The following IGF2R variants were observed in gnomAD, a reference collection of about 807,000 sequenced individuals.
IGF2R encodes insulin like growth factor 2 receptor, also known as cation-independent mannose-6-phosphate receptor.
IGF2R carries 91 observed loss-of-function variants against 270.6 expected under a neutral mutation model. The observed-to-expected ratio is 0.34, with a 90% CI of 0.28 to 0.40. The LOEUF is 0.40. Among genes scored for constraint, IGF2R ranks in the 10% least tolerant of loss-of-function variants. The probability of loss-of-function intolerance (pLI) is 1.00; values close to 1 mark genes in which losing one functional copy is unlikely to be tolerated. For synonymous variants in IGF2R, 1,316 were observed against 1,258.9 expected, an observed-to-expected ratio of 1.05 and a Z score of -0.96; for missense variants, 2,805 against 3,188.3, an observed-to-expected ratio of 0.88 and a Z score of 2.90.
intron 21 of IGF2R, among the ~76,000 whole-genome samples, chr6:160,058,330 A>G (rs1024589306): frequency 5.3e-5 from 8 of 152,198 alleles, no homozygotes; most frequent in African/African-American, 1.9e-4. Flanking sequence ...AGACGTGAAG[A>G]CTGTTATTCT....
intron 1 of IGF2R, among the ~76,000 whole-genome samples, chr6:159,976,797 G>T (rs1783701733): frequency 6.6e-6 from 1 of 151,980 alleles, no homozygotes; most frequent in Admixed American, 6.5e-5. Flanking sequence ...TTTTTCCATT[G>T]TGCGGGTAAA....
At position 160,094,103 on chromosome 6, in the gene IGF2R, A is replaced by G. The variant is rs186517737; in HGVS notation, c.6656-2336A>G. On this transcript the variant is annotated intron_variant, in intron 44 of 47. Coordinates refer to ENST00000356956, the MANE Select transcript of IGF2R (RefSeq NM_000876.4). Reference sequence around the variant, plus strand: ...CCACCCCATCATTCCCCTTCTCCCAAAGTACTACTGCTGTTGCATAACAAC... The same window carrying G: ...CCACCCCATCATTCCCCTTCTCCCAGAGTACTACTGCTGTTGCATAACAAC... The G allele has an allele frequency of 1.2e-3, 578 of 485,058 alleles. 12 individuals are homozygous for G. The highest frequency in any genetic ancestry group is 6.8e-3 in the South Asian group (380 of 55,644). 30.0% of individuals were successfully genotyped at this position (485,058 alleles called of 1,614,324 possible). A position where few individuals can be genotyped will look rare whatever the true frequency, so the allele number is the denominator to read the frequency against.
In IGF2R at chr6:160,084,158, C is replaced by G; in HGVS notation, c.6042C>G (p.Ser2014=). 6.2e-7 allele frequency: 1 copy of G among 1,613,488 alleles called. No individual in the cohort carries two copies. The highest frequency in any genetic ancestry group is 1.1e-5 in the South Asian group (1 of 91,072). Residue 2014 remains serine, a synonymous_variant, in exon 40 of 48, where the codon TCC becomes TCG. Transcript: ENST00000356956. This position sits in a 1 kb window ranked among gnomAD's most constrained non-coding sequence, Gnocchi z 4.6. The part of the protein sequence containing the change: ...DLRLLSSLTG[S]WSLVHNGVSY... ...GGCTGCTCTCCTCTCTCACCGGGTC[C>G]TGGTCCCTCGTCCACAACGGAGTCT...
chr6:160,043,312 T>C (rs763073395), intron 12 of IGF2R, 24 bp downstream of exon 12: 7 of 1,605,340 alleles, frequency 4.4e-6, no homozygotes, highest in Non-Finnish European at 6.0e-6. Flanking sequence ...GGATGGAAGA[T>C]CTAGGTGATG....
rs114822644 is a variant in IGF2R, at chr6:160,038,217, G to C, written c.1316-2343G>C. On this transcript the variant is annotated intron_variant, in intron 10 of 47. Coordinates refer to ENST00000356956, the MANE Select transcript of IGF2R (RefSeq NM_000876.4). ...GTGCCAGACTGGCAACTTGGGGATT[G>C]TGTGAGTGAGGGAGAGATTGTGCAG... Among the ~76,000 whole-genome samples the C allele has an allele frequency of 6.2e-3, 951 of 152,284 alleles. 9 individuals carry two copies. Among genetic ancestry groups the C allele is most frequent in the African/African-American group, 0.022 (901 of 41,552 alleles).
At chr6:159,990,423 TCTC>T (rs926509595) in intron 1 of IGF2R, among the ~76,000 whole-genome samples, 8 of 152,290 alleles carry the variant, frequency 5.3e-5, no homozygotes, top group African/African-American at 1.7e-4. Flanking sequence ...GCTCCGCACT[TCTC>T]CTTGCTGAAA....
chr6:160,009,944 T>G (rs1482577715), intron 3 of IGF2R, among the ~76,000 whole-genome samples: 2 of 152,008 alleles, frequency 1.3e-5, no homozygotes, highest in African/African-American at 4.8e-5. Context: ...ATTGTTAATT[T>G]TGGATCCGCA....
chr6:159,985,000 G>A (rs2115177510), intron 1 of IGF2R, among the ~76,000 whole-genome samples: 1 of 152,256 alleles, frequency 6.6e-6, no homozygotes, highest in South Asian at 2.1e-4. Flanking sequence ...CGTATTCCTG[G>A]TTCCAGGCCT....
At chr6:160,079,191 C>T (rs2115281321) in intron 37 of IGF2R, among the ~76,000 whole-genome samples, 1 of 152,318 alleles carries the variant, frequency 6.6e-6, no homozygotes, top group African/African-American at 2.4e-5. Flanking sequence ...GTCCATGCTT[C>T]AGCGTGCAGC....
intron 42 of IGF2R, among the ~76,000 whole-genome samples, chr6:160,088,829 T>C (rs1386263716): frequency 6.6e-6 from 1 of 152,228 alleles, no homozygotes; most frequent in Non-Finnish European, 1.5e-5. Context: ...ATTACTGATG[T>C]GTGCACCACA....
Position 160,047,920 on chromosome 6 carries a change from C to T in IGF2R, c.2345+13C>T, listed in dbSNP as rs966660892. On this transcript the variant is annotated intron_variant, in intron 17 of 47. Transcript: ENST00000356956. ...ACGACCTCTCCAGGTGAGGCAGAGT[C>T]AGCTGCTCTGTTTTTGGCCTGGTAC... 6.5e-7 allele frequency: 1 copy of T among 1,542,856 alleles called. No homozygotes were observed. The highest frequency in any genetic ancestry group is 9.0e-7 in the Non-Finnish European group (1 of 1,115,058).
At chr6:160,103,843 G>C (rs1470917162) in intron 47 of IGF2R, 28 bp downstream of exon 47, 1 of 1,505,724 alleles carries the variant, frequency 6.6e-7, no homozygotes, top group Non-Finnish European at 9.3e-7. Flanking sequence ...GTCTCTTGAA[G>C]GCCTGCCTCC....
chr6:160,100,707 G>A (rs961043030), intron 45 of IGF2R, among the ~76,000 whole-genome samples: 9 of 111,862 alleles, frequency 8.0e-5, no homozygotes, highest in African/African-American at 3.0e-4. Flanking sequence ...CACAAAGCAG[G>A]CAAGTCAGCA....
rs565801069 is a variant in IGF2R, at chr6:159,994,753, G to C, written c.289+3430G>C. Among the ~76,000 whole-genome samples, 60 of 152,270 alleles carry C rather than the reference G, an allele frequency of 3.9e-4. 2 individuals are homozygous for C. In the South Asian group the frequency reaches 0.012, roughly 31 times the overall value. On this transcript the variant is annotated intron_variant, in intron 2 of 47. Transcript: ENST00000356956. ...TGTTCATGTATTTGTGTAGTTTTGA[G>C]AGTTCTCCTCTTGGAATTGATTTCT...
intron 2 of IGF2R, among the ~76,000 whole-genome samples, chr6:159,992,209 A>G (rs1020741326): frequency 6.6e-6 from 1 of 152,098 alleles, no homozygotes; most frequent in Non-Finnish European, 1.5e-5. Context: ...TAGCTCTGTC[A>G]TTTTCTTTTG....
rs771982789 is a variant in IGF2R at position 160,080,115 on chromosome 6, C to G, written c.5687-14C>G. On this transcript the variant is annotated splice_polypyrimidine_tract_variant and intron_variant, in intron 38 of 47. Coordinates refer to ENST00000356956, the MANE Select transcript of IGF2R (RefSeq NM_000876.4). ...GCACAGCTGCCACACTGATAATGTT[C>G]TTCTTCTTTCCAGAAACCGATGACG... The G allele has an allele frequency of 3.5e-5, 56 of 1,613,430 alleles. No homozygotes were observed. The highest frequency in any genetic ancestry group is 4.5e-5 in the Non-Finnish European group (53 of 1,179,754).
At chr6:160,069,102 CG>C (rs1778657455) in intron 30 of IGF2R, among the ~76,000 whole-genome samples, 1 of 151,888 alleles carries the variant, frequency 6.6e-6, no homozygotes, top group South Asian at 2.1e-4. Flanking sequence ...GTTGTATGGT[CG>C]GTCCTTTTGT....
intron 3 of IGF2R, 187 bp from the exon 4 acceptor site, chr6:160,010,500 C>T (rs1292807023): frequency 4.0e-6 from 2 of 505,614 alleles, no homozygotes; most frequent in Non-Finnish European, 7.1e-6. Flanking sequence ...TTTTATGAAG[C>T]TTTGGTCTCA....
intron 19 of IGF2R, among the ~76,000 whole-genome samples, chr6:160,054,279 A>G (rs910761711): frequency 2.0e-5 from 3 of 152,246 alleles, no homozygotes; most frequent in Non-Finnish European, 2.9e-5. Context: ...GTGGTAGGCA[A>G]CATGTATGCA....
Sources: allele counts gnomAD v4.1 joint callset (sites outside exome capture counted in the v4.1 genomes callset), GRCh38; gene constraint gnomAD v4.1.1; non-coding constraint Gnocchi (gnomAD v3.1); transcripts MANE v1.5; gene names NCBI Gene and HGNC (gene_info 2026-07-23, HGNC 2026-07-21).